FOXK2: variants seen among roughly 807,000 people sequenced by gnomAD.
The protein encoded by FOXK2 is forkhead box protein K2.
In FOXK2, 24 loss-of-function variants were observed where a neutral mutation model predicts 53.3. The ratio of observed to expected loss-of-function variants is 0.45; its 90% CI spans 0.33 to 0.63. FOXK2 has a LOEUF of 0.63. Among genes scored for constraint, FOXK2 ranks in the 30% least tolerant of loss-of-function variants. The pLI is 0.03. For missense variants in FOXK2, 952 were observed against 910.5 expected (o/e 1.05, Z -0.59); for synonymous variants, 505 against 407.1 (o/e 1.24, Z -2.89).
intron 1 of FOXK2, among the ~76,000 whole-genome samples, chr17:82,550,274 C>T (rs1555637182): frequency 6.6e-6 from 1 of 152,150 alleles, no homozygotes; most frequent in Non-Finnish European, 1.5e-5. Context: ...TTTAATTTGC[C>T]ACTTGACTTC....
rs371605925 is a variant in FOXK2 at position 82,523,207 on chromosome 17, C to T, written c.419+2900C>T. ...GCTCAGGGAAGAGTCTTGTGGCCAC[C>T]GAGGTGAACATGTATCCTGGACTTC... On this transcript the variant is annotated intron_variant, in intron 1 of 8. Transcript: ENST00000335255. 5.5e-4 allele frequency among the ~76,000 whole-genome samples: 84 copies of T among 152,302 alleles called. No homozygotes were observed. The South Asian group carries it at 9.1e-3, about 17-fold the overall frequency.
chr17:82,603,159 T>C lies in FOXK2; in HGVS notation c.*1660T>C, dbSNP rs1470993359. 6.6e-6 allele frequency: 1 copy of C among 152,388 alleles called. No individual in the cohort carries two copies. The highest frequency in any genetic ancestry group is 1.5e-5 in the Non-Finnish European group (1 of 68,056). The allele number at this position is 152,388 out of a possible 1,614,324, so 9.4% of individuals were successfully genotyped here. A position where few individuals can be genotyped will look rare whatever the true frequency, so the allele number is the denominator to read the frequency against. Reference sequence around the variant, plus strand: ...ACTAGCTGGATTATCACTCAGCCGTTTAAGAAATAAAAGCAAAACCATCAC... The same window carrying C: ...ACTAGCTGGATTATCACTCAGCCGTCTAAGAAATAAAAGCAAAACCATCAC... On this transcript the variant is annotated 3_prime_UTR_variant, in exon 9 of 9. Coordinates refer to ENST00000335255, the MANE Select transcript of FOXK2 (RefSeq NM_004514.4).
At chr17:82,536,078 G>A (rs1411368797) in intron 1 of FOXK2, among the ~76,000 whole-genome samples, 2 of 151,718 alleles carry the variant, frequency 1.3e-5, no homozygotes, top group African/African-American at 2.4e-5. Flanking sequence ...GGGTTTCACC[G>A]TGTTGGCCAG....
At chr17:82,586,316 G>A in intron 7 of FOXK2, 116 bp downstream of exon 7, 1 of 469,890 alleles carries the variant, frequency 2.1e-6, no homozygotes, top group Non-Finnish European at 3.6e-6. Flanking sequence ...GGGGGGGAAA[G>A]GAGGAGAGGG....
chr17:82,595,575 C>G (rs1353029402), intron 8 of FOXK2, among the ~76,000 whole-genome samples: 2 of 152,180 alleles, frequency 1.3e-5, no homozygotes, highest in Non-Finnish European at 2.9e-5. Flanking sequence ...AATGCTGGGA[C>G]TACAGGTGTG....
At chr17:82,593,302 C>A (rs940378382) in intron 8 of FOXK2, 2 of 139,156 alleles carry the variant, frequency 1.4e-5, no homozygotes, top group African/African-American at 5.2e-5. Context: ...CTCCCTGTAC[C>A]GGGCACAGGC....
In FOXK2 at chr17:82,586,532, G is replaced by C. The variant is rs1208974311; in HGVS notation, c.1576+332G>C. 4.8e-3 allele frequency among the ~76,000 whole-genome samples: 583 copies of C among 120,496 alleles called. 145 individuals are homozygous for C. Among genetic ancestry groups the C allele is most frequent in the African/African-American group, 0.023 (555 of 24,068 alleles). 79.1% of individuals were successfully genotyped at this position (120,496 alleles called of 152,430 possible). A position where few individuals can be genotyped will look rare whatever the true frequency, so the allele number is the denominator to read the frequency against. On this transcript the variant is annotated intron_variant, in intron 7 of 8. Transcript: ENST00000335255. ...GAAAGGAGGAGAGGGGAGACCACAG[G>C]GAGGTCAAAGGTAGGCGGAGGGGAA...
chr17:82,586,150 C>G lies in FOXK2; in HGVS notation c.1526C>G (p.Ala509Gly). Residue 509 changes from alanine (A) to glycine (G), a missense_variant, in exon 7 of 9, where the codon GCC (alanine) becomes GGC (glycine). By Grantham distance (60) the Ala-to-Gly change is moderately conservative. Around this residue, in one of 5 missense-constraint regions of FOXK2, gnomAD observed 551 missense variants for 385.1 expected, o/e 1.43. Coordinates refer to ENST00000335255, the MANE Select transcript of FOXK2 (RefSeq NM_004514.4). ...GTGGTCACCCCGGCAGCCGTGCTGG[C>G]CCCTCCTAAGGCAGAGGCCCAGGAG... ...QAVVTPAAVL[A>G]PPKAEAQENG... The G allele has an allele frequency of 6.2e-7, 1 of 1,612,264 alleles. No homozygotes were observed. Among genetic ancestry groups the G allele is most frequent in the Non-Finnish European group, 8.5e-7 (1 of 1,179,870 alleles).
intron 4 of FOXK2, 59 bp downstream of exon 4, chr17:82,571,929 G>A: frequency 3.4e-6 from 5 of 1,455,502 alleles, no homozygotes; most frequent in Non-Finnish European, 3.6e-6. Context: ...AGAAAGTGGA[G>A]CGGCTGCTGT....
intron 8 of FOXK2, among the ~76,000 whole-genome samples, chr17:82,590,922 G>T (rs898696163): frequency 1.3e-5 from 2 of 149,182 alleles, no homozygotes; most frequent in Non-Finnish European, 3.0e-5. Flanking sequence ...GATAGGCCGA[G>T]GCTGGGCTGC....
intron 7 of FOXK2, 79 bp from the exon 8 acceptor site, chr17:82,586,984 G>C: frequency 1.5e-6 from 2 of 1,308,284 alleles, no homozygotes; most frequent in Non-Finnish European, 2.2e-6. Context: ...ATAGCTATCT[G>C]GTTATTATGT....
intron 1 of FOXK2, among the ~76,000 whole-genome samples, chr17:82,534,762 G>A (rs1360272140): frequency 2.0e-5 from 3 of 152,202 alleles, no homozygotes; most frequent in Non-Finnish European, 4.4e-5. Flanking sequence ...GTTGAAACAT[G>A]TCCCCAGAAG....
chr17:82,565,702 G>C (rs1023042441), intron 2 of FOXK2, among the ~76,000 whole-genome samples: 5 of 152,174 alleles, frequency 3.3e-5, no homozygotes, highest in African/African-American at 1.2e-4. Context: ...GTTGTGTGCT[G>C]TTGCAAGGAA....
Position 82,586,293 on chromosome 17 carries a change from TCAAAGGTGGGCCGG to T in FOXK2, c.1576+94_1576+107del, listed in dbSNP as rs1567985063. The T allele has an allele frequency of 1.1e-3, 282 of 259,506 alleles. 39 individuals carry two copies. The highest frequency in any genetic ancestry group is 6.9e-3 in the Middle Eastern group (7 of 1,008). The allele number at this position is 259,506 out of a possible 1,614,324, so 16.1% of individuals were successfully genotyped here. On this transcript the variant is annotated intron_variant, in intron 7 of 8. Transcript: ENST00000335255. ...GAGGAGAGGGGAGACCACAGGGAGG[TCAAAGGTGGGCCGG>T]GGGGGAAAGGAGGAGAGGGGAGACC...
rs1434372323 is a variant in FOXK2, at chr17:82,586,116, G to C, written c.1492G>C (p.Gly498Arg). 1.2e-6 allele frequency: 2 copies of C among 1,612,682 alleles called. No homozygotes were observed. Among genetic ancestry groups the C allele is most frequent in the Middle Eastern group, 1.7e-4 (1 of 6,060 alleles). The stretch of plus-strand genomic sequence containing the variant: ...CCCAGCGAACACGTACACTGTCTCT[G>C]GACAAGCTGTGGTCACCCCGGCAGC... ...LAPANTYTVSGQAVVTPAAVL... is the reference protein window; with the variant it reads ...LAPANTYTVSRQAVVTPAAVL... Residue 498 changes from glycine (G) to arginine (R), a missense_variant, in exon 7 of 9, where the codon GGA becomes CGA. Gly to Arg is a moderately radical substitution (Grantham distance 125, BLOSUM62 -2). Coordinates refer to ENST00000335255, the MANE Select transcript of FOXK2 (RefSeq NM_004514.4).
intron 1 of FOXK2, among the ~76,000 whole-genome samples, chr17:82,535,054 A>AT (rs1405320921): frequency 2.0e-5 from 3 of 152,002 alleles, no homozygotes; most frequent in African/African-American, 7.3e-5. Context: ...TGATTTTTGT[A>AT]TTTTTTGTAC....
intron 1 of FOXK2, among the ~76,000 whole-genome samples, chr17:82,538,592 C>T (rs1249534607): frequency 1.3e-5 from 2 of 152,244 alleles, no homozygotes; most frequent in African/African-American, 4.8e-5. Context: ...CTGGTGGACA[C>T]AGTCCCCACA....
intron 8 of FOXK2, chr17:82,593,965 TCGGGTCGGGGCCTGTGTTCTG>T (rs1420167267): frequency 6.6e-6 from 1 of 152,282 alleles, no homozygotes; most frequent in Non-Finnish European, 1.5e-5. Context: ...GTGCGAGGCC[TCGGGTCGGGGCCTGTGTTCTG>T]CGGGAGCCGC....
At chr17:82,531,814 C>CA (rs2044474450) in intron 1 of FOXK2, among the ~76,000 whole-genome samples, 1 of 152,162 alleles carries the variant, frequency 6.6e-6, no homozygotes, top group South Asian at 2.1e-4. Context: ...ACACCGCTGT[C>CA]AACTTCATAA....
Sources: gnomAD v4.1 joint callset for allele counts (sites outside exome capture counted in the v4.1 genomes callset) on GRCh38, gnomAD v4.1.1 for gene constraint, gnomAD v4.1.1 regional missense constraint, MANE v1.5 for transcripts, NCBI Gene and HGNC (gene_info 2026-07-23, HGNC 2026-07-21) for gene names.